MACROD2: variants seen among roughly 807,000 people sequenced by gnomAD.
The protein encoded by MACROD2 is ADP-ribose glycohydrolase MACROD2.
Under a neutral mutation model 70.4 loss-of-function variants are expected in MACROD2, and 36 were observed. The ratio of observed to expected loss-of-function variants is 0.51; its 90% CI spans 0.39 to 0.68. The LOEUF (loss-of-function observed/expected upper bound fraction) is 0.68, where lower values mean the gene tolerates loss of function less well. Among genes scored for constraint, MACROD2 ranks in the 30% least tolerant of loss-of-function variants. The pLI, the probability that MACROD2 is intolerant of heterozygous loss-of-function variation, is 0.00. For missense variants in MACROD2, 496 were observed against 538.4 expected (o/e 0.92, Z 0.78); for synonymous variants, 172 against 178.8 (o/e 0.96, Z 0.30).
chr20:16,016,604 C>T (rs960160316), intron 15 of MACROD2, among the ~76,000 whole-genome samples: 7 of 152,120 alleles, frequency 4.6e-5, no homozygotes, highest in African/African-American at 1.4e-4. Context: ...GGCGCGATCT[C>T]GGCTAACTGC....
intron 4 of MACROD2, among the ~76,000 whole-genome samples, chr20:14,593,582 CAAAAG>C (rs1274268134): frequency 6.6e-6 from 1 of 151,804 alleles, no homozygotes; most frequent in African/African-American, 2.4e-5. Flanking sequence ...GGCTGACAGA[CAAAAG>C]AAAACAAAGT....
intron 5 of MACROD2, among the ~76,000 whole-genome samples, chr20:14,704,694 A>T (rs971256473): frequency 1.3e-5 from 2 of 152,144 alleles, no homozygotes; most frequent in Non-Finnish European, 2.9e-5. Context: ...TTGATTCCAC[A>T]GCCTTCGAAG....
intron 5 of MACROD2, among the ~76,000 whole-genome samples, chr20:14,729,648 C>G (rs565829227): frequency 5.9e-5 from 9 of 152,142 alleles, no homozygotes; most frequent in Non-Finnish European, 1.0e-4. Flanking sequence ...CTCAAAAACT[C>G]CCAAGCTAAA....
At chr20:14,806,081 T>C (rs1228364126) in intron 5 of MACROD2, among the ~76,000 whole-genome samples, 1 of 151,734 alleles carries the variant, frequency 6.6e-6, no homozygotes, top group Admixed American at 6.6e-5. Context: ...TTATTAGTTA[T>C]AACTTAGTTG....
At chr20:14,997,667 A>C (rs1479083814) in intron 5 of MACROD2, among the ~76,000 whole-genome samples, 1 of 152,194 alleles carries the variant, frequency 6.6e-6, no homozygotes, top group Admixed American at 6.5e-5. Flanking sequence ...CCTGGGTCAG[A>C]AGGGAACCTG....
intron 5 of MACROD2, among the ~76,000 whole-genome samples, chr20:14,748,240 AC>A (rs2071824979): frequency 6.6e-6 from 1 of 152,046 alleles, no homozygotes; most frequent in African/African-American, 2.4e-5. Flanking sequence ...GCTAGGCCAG[AC>A]CCTGAGATAG....
chr20:15,308,147 C>A (rs1409850583), intron 6 of MACROD2, among the ~76,000 whole-genome samples: 1 of 152,082 alleles, frequency 6.6e-6, no homozygotes, highest in Admixed American at 6.6e-5. Context: ...CTATTATTAT[C>A]TTTTTGTAAT....
chr20:15,063,663 G>A (rs1373951514), intron 5 of MACROD2, among the ~76,000 whole-genome samples: 1 of 152,146 alleles, frequency 6.6e-6, no homozygotes, highest in Non-Finnish European at 1.5e-5. Flanking sequence ...GTGTGTGAGT[G>A]TTTAGCCAGC....
intron 3 of MACROD2, among the ~76,000 whole-genome samples, chr20:14,145,711 T>C (rs2054934731): frequency 6.6e-6 from 1 of 152,202 alleles, no homozygotes; most frequent in Non-Finnish European, 1.5e-5. Flanking sequence ...ATTTGAAAAC[T>C]ACACACAATA....
intron 3 of MACROD2, among the ~76,000 whole-genome samples, chr20:14,106,627 TG>T (rs2054372701): frequency 6.6e-6 from 1 of 152,146 alleles, no homozygotes; most frequent in Non-Finnish European, 1.5e-5. Flanking sequence ...GGGCAGGACC[TG>T]GTGTTGTGCT....
chr20:14,411,199 A>G (rs1032902842), intron 3 of MACROD2, among the ~76,000 whole-genome samples: 1 of 152,162 alleles, frequency 6.6e-6, no homozygotes, highest in African/African-American at 2.4e-5. Context: ...TAAACTTGAT[A>G]TGAGCCAAGA....
At chr20:14,437,319 A>G (rs567557976) in intron 3 of MACROD2, among the ~76,000 whole-genome samples, 7 of 151,940 alleles carry the variant, frequency 4.6e-5, no homozygotes, top group African/African-American at 1.4e-4. Flanking sequence ...CTTGGGCCGG[A>G]TGCAGTGGCT....
chr20:16,024,981 C>T (rs2067057727), intron 15 of MACROD2, among the ~76,000 whole-genome samples: 1 of 151,978 alleles, frequency 6.6e-6, no homozygotes, highest in Non-Finnish European at 1.5e-5. Context: ...AGCATTGTGC[C>T]CTGAGATCAA....
chr20:14,818,491 G>A (rs1433359012), intron 5 of MACROD2, among the ~76,000 whole-genome samples: 1 of 151,958 alleles, frequency 6.6e-6, no homozygotes, highest in Non-Finnish European at 1.5e-5. Context: ...TCTATTCGGG[G>A]TATTTTAGTA....
chr20:15,971,672 A>G (rs1371059826), intron 13 of MACROD2, among the ~76,000 whole-genome samples: 2 of 152,200 alleles, frequency 1.3e-5, no homozygotes, highest in Admixed American at 6.5e-5. Flanking sequence ...TGGTCCACCT[A>G]TGGCACCATG....
intron 5 of MACROD2, among the ~76,000 whole-genome samples, chr20:15,051,551 G>T (rs1298567828): frequency 6.6e-6 from 1 of 152,062 alleles, no homozygotes; most frequent in African/African-American, 2.4e-5. Flanking sequence ...CCTCAGTTTT[G>T]CTCTTAAAGC....
At chr20:14,127,735 C>A (rs1050961363) in intron 3 of MACROD2, 18 of 422,162 alleles carry the variant, frequency 4.3e-5, no homozygotes, top group Middle Eastern at 3.5e-4. Flanking sequence ...ACAACCACAT[C>A]TTCTGGTATC....
rs570351159 is a variant in MACROD2, at chr20:15,248,323, T to G, written c.540+18262T>G. Among the ~76,000 whole-genome samples, 5 of 152,302 alleles carry G rather than the reference T, an allele frequency of 3.3e-5. No homozygotes were observed. The East Asian group carries it at 9.7e-4, about 29-fold the overall frequency. ...TTGAGCTCACTGCAGTACTTGACAC[T>G]TGTGGCCATTCCTTTAGGATGCTTG... On this transcript the variant is annotated intron_variant, in intron 6 of 17. Transcript: ENST00000684519.
intron 3 of MACROD2, among the ~76,000 whole-genome samples, chr20:14,442,531 A>T (rs2122961350): frequency 6.6e-6 from 1 of 152,182 alleles, no homozygotes; most frequent in South Asian, 2.1e-4. Flanking sequence ...AATAATACAA[A>T]CTTCTTTCTC....
Sources: gnomAD v4.1 joint callset for allele counts (sites outside exome capture counted in the v4.1 genomes callset) on GRCh38, gnomAD v4.1.1 for gene constraint, MANE v1.5 for transcripts, NCBI Gene and HGNC (gene_info 2026-07-23, HGNC 2026-07-21) for gene names.